The following BACH2 variants were observed in gnomAD, a reference collection of about 807,000 sequenced individuals.
The protein encoded by BACH2 is BACH transcriptional regulator 2.
A neutral mutation model predicts 61.8 loss-of-function variants in BACH2; 5 were observed. That is an observed-to-expected ratio of 0.08 (90% CI 0.04 to 0.17). The LOEUF (loss-of-function observed/expected upper bound fraction) is 0.17. BACH2 is among the 10% of genes least tolerant of loss of function. The probability of loss-of-function intolerance (pLI) is 1.00; values close to 1 mark genes in which losing one functional copy is unlikely to be tolerated. For synonymous variants in BACH2, 446 were observed against 440.1 expected, an observed-to-expected ratio of 1.01 and a Z score of -0.17; for missense variants, 824 against 1,091.1, an observed-to-expected ratio of 0.76 and a Z score of 3.45.
intron 1 of BACH2, among the ~76,000 whole-genome samples, chr6:90,283,711 G>A (rs1373994779): frequency 3.3e-5 from 5 of 151,230 alleles, no homozygotes; most frequent in Non-Finnish European, 3.0e-5. Flanking sequence ...TATTTTATAA[G>A]AATTTTTTAG....
intron 6 of BACH2, among the ~76,000 whole-genome samples, chr6:89,996,996 T>G (rs1776882068): frequency 1.0e-5 from 1 of 99,934 alleles, no homozygotes; most frequent in Admixed American, 1.2e-4. Flanking sequence ...TTTAAGCACA[T>G]GCACACGGGC....
chr6:90,164,584 A>C (rs1255258373), intron 4 of BACH2, among the ~76,000 whole-genome samples: 4 of 152,308 alleles, frequency 2.6e-5, no homozygotes, highest in African/African-American at 9.6e-5. Context: ...TCATCCTGAT[A>C]CCAAAGCCTG....
At chr6:89,996,058 T>C (rs1776831161) in intron 6 of BACH2, among the ~76,000 whole-genome samples, 2 of 152,186 alleles carry the variant, frequency 1.3e-5, no homozygotes, top group Non-Finnish European at 2.9e-5. Context: ...GGGTCAGCGA[T>C]TTCTAGTGTT....
intron 4 of BACH2, among the ~76,000 whole-genome samples, chr6:90,113,734 C>G (rs1055011173): frequency 6.6e-6 from 1 of 151,702 alleles, no homozygotes; most frequent in South Asian, 2.1e-4. Flanking sequence ...ATCAATGAAT[C>G]CAGGATTTTT....
chr6:90,154,021 T>C (rs547561803), intron 4 of BACH2, among the ~76,000 whole-genome samples: 14 of 152,292 alleles, frequency 9.2e-5, no homozygotes, highest in African/African-American at 3.4e-4. Flanking sequence ...ATCCACACCC[T>C]AAAAAGAACA....
At position 89,990,523 on chromosome 6, in the gene BACH2, CT is replaced by C. The variant is rs1016242544; in HGVS notation, c.243+18078del. On this transcript the variant is annotated intron_variant, in intron 6 of 8. Coordinates refer to ENST00000257749, the MANE Select transcript of BACH2 (RefSeq NM_021813.4). ...AGGCCAAAATCCATAGTCATACTGG[CT>C]TTTTTTTTTCTTTATTTCACATCCC... Among the ~76,000 whole-genome samples, 258 of 149,598 alleles carry C rather than the reference CT, an allele frequency of 1.7e-3. 1 individual carries two copies. The highest frequency in any genetic ancestry group is 4.7e-3 in the African/African-American group (190 of 40,790).
intron 3 of BACH2, among the ~76,000 whole-genome samples, chr6:90,213,675 T>C (rs948936278): frequency 2.6e-5 from 4 of 152,204 alleles, no homozygotes; most frequent in African/African-American, 9.6e-5. Flanking sequence ...GAGATTCTTT[T>C]GAGGATTGTT....
At chr6:89,959,556 T>C (rs993225725) in intron 6 of BACH2, among the ~76,000 whole-genome samples, 3 of 152,198 alleles carry the variant, frequency 2.0e-5, no homozygotes, top group African/African-American at 7.2e-5. Flanking sequence ...AAAAAAATTA[T>C]TCAGAAACTG....
intron 2 of BACH2, among the ~76,000 whole-genome samples, chr6:90,256,336 C>T (rs1279723854): frequency 6.6e-6 from 1 of 152,150 alleles, no homozygotes; most frequent in East Asian, 1.9e-4. Context: ...ATTTCTAGGC[C>T]TAATTTCTAT....
intron 7 of BACH2, among the ~76,000 whole-genome samples, chr6:89,939,645 T>A (rs186097169): frequency 6.9e-6 from 1 of 145,440 alleles, no homozygotes; most frequent in East Asian, 2.1e-4. Context: ...GTTAAATGAT[T>A]GCTTATATTT....
At chr6:89,961,758 T>C (rs1316179546) in intron 6 of BACH2, among the ~76,000 whole-genome samples, 2 of 152,086 alleles carry the variant, frequency 1.3e-5, no homozygotes, top group Non-Finnish European at 2.9e-5. Context: ...TGAACCACAC[T>C]GCCTGCGACT....
intron 2 of BACH2, among the ~76,000 whole-genome samples, chr6:90,254,313 C>T (rs889012582): frequency 6.6e-6 from 1 of 151,674 alleles, no homozygotes; most frequent in Admixed American, 6.6e-5. Context: ...GTGAATCTTC[C>T]TAGATCTTTT....
intron 6 of BACH2, among the ~76,000 whole-genome samples, chr6:89,963,026 T>C (rs940276648): frequency 2.0e-5 from 3 of 152,162 alleles, no homozygotes; most frequent in African/African-American, 7.2e-5. Flanking sequence ...AAAGAACTCC[T>C]ACAACTCCCA....
At chr6:90,294,689 G>A (rs1395623206) in intron 1 of BACH2, among the ~76,000 whole-genome samples, 2 of 152,066 alleles carry the variant, frequency 1.3e-5, no homozygotes, top group African/African-American at 4.8e-5. Flanking sequence ...TACTCGGGAG[G>A]TGCCCGAGAA....
chr6:89,996,909 C>T (rs1002479601), intron 6 of BACH2, among the ~76,000 whole-genome samples: 2 of 152,142 alleles, frequency 1.3e-5, no homozygotes, highest in Non-Finnish European at 2.9e-5. Context: ...AAAGAAATGA[C>T]CTCTGGGGTC....
intron 4 of BACH2, among the ~76,000 whole-genome samples, chr6:90,197,070 G>C (rs1203841499): frequency 6.6e-6 from 1 of 152,088 alleles, no homozygotes; most frequent in Non-Finnish European, 1.5e-5. Flanking sequence ...ACAGTATGAA[G>C]TTTTTTTAAA....
chr6:90,174,885 A>T (rs1767936116), intron 4 of BACH2, among the ~76,000 whole-genome samples: 1 of 151,946 alleles, frequency 6.6e-6, no homozygotes, highest in African/African-American at 2.4e-5. Flanking sequence ...TATATGGTAA[A>T]ATTATATGTG....
intron 4 of BACH2, among the ~76,000 whole-genome samples, chr6:90,168,471 AT>A (rs761379772): frequency 6.6e-6 from 1 of 152,224 alleles, no homozygotes; most frequent in African/African-American, 2.4e-5. Flanking sequence ...ACATGCAAAG[AT>A]TTCCACAATA....
chr6:89,969,050 CTTTTTTTTTTT>C (rs76254643), intron 6 of BACH2, among the ~76,000 whole-genome samples: 1 of 113,964 alleles, frequency 8.8e-6, no homozygotes, highest in Admixed American at 9.5e-5. Context: ...AAAATGTAGT[CTTTTTTTTTTT>C]TTTTTTTTTT....
Sources: gnomAD v4.1 joint callset for allele counts (sites outside exome capture counted in the v4.1 genomes callset) on GRCh38, gnomAD v4.1.1 for gene constraint, MANE v1.5 for transcripts, NCBI Gene and HGNC (gene_info 2026-07-23, HGNC 2026-07-21) for gene names.